Variants in RAB23 observed in about 807,000 individuals in gnomAD.
RAB23 encodes RAB23, member RAS oncogene family.
A neutral mutation model predicts 30.0 loss-of-function variants in RAB23; 15 were observed. The observed-to-expected ratio is 0.50, with a 90% CI of 0.33 to 0.77. The LOEUF (loss-of-function observed/expected upper bound fraction) is 0.77, where lower values mean the gene tolerates loss of function less well. Among genes scored for constraint, RAB23 ranks in the 30% least tolerant of loss-of-function variants. The pLI, the probability that RAB23 is intolerant of heterozygous loss-of-function variation, is 0.02. For synonymous variants in RAB23, 93 were observed against 94.0 expected (o/e 0.99, Z 0.06); for missense variants, 243 against 275.4 (o/e 0.88, Z 0.83).
Position 57,190,413 on chromosome 6 carries a change from C to CTT in RAB23, c.*46_*47dup. The stretch of plus-strand genomic sequence containing the variant: ...CATACCATGACAGCTGGATGGGTTT[C>CTT]TTAATGCATTGCACAATGTAATTCA... On this transcript the variant is annotated 3_prime_UTR_variant, in exon 7 of 7. Coordinates refer to ENST00000468148, the MANE Select transcript of RAB23 (RefSeq NM_016277.5). 1 of 1,604,788 alleles carries CTT rather than the reference C, an allele frequency of 6.2e-7. No homozygotes were observed.
intron 3 of RAB23, among the ~76,000 whole-genome samples, chr6:57,206,774 G>C (rs1765469667): frequency 6.6e-6 from 1 of 152,208 alleles, no homozygotes; most frequent in African/African-American, 2.4e-5. Flanking sequence ...TGTGTCTTTA[G>C]AAAACAAGTT....
intron 3 of RAB23, among the ~76,000 whole-genome samples, chr6:57,200,860 C>T (rs2128000106): frequency 6.6e-6 from 1 of 152,160 alleles, no homozygotes; most frequent in African/African-American, 2.4e-5. Flanking sequence ...AATGGCAGGG[C>T]AAAGAATGCA....
rs191955635 is a variant in RAB23, at chr6:57,199,094, G to A, written c.242-2488C>T. Among the ~76,000 whole-genome samples the A allele has an allele frequency of 3.0e-3, 458 of 152,356 alleles. 2 individuals carry two copies. The highest frequency in any genetic ancestry group is 5.0e-3 in the Non-Finnish European group (338 of 68,032). ...GTAAATAAACAAACCCTGCAGCAGAGGCCTGTGGCTGCATGCATGTCCCCT... is the reference window on the plus strand; with the variant it reads ...GTAAATAAACAAACCCTGCAGCAGAAGCCTGTGGCTGCATGCATGTCCCCT... On this transcript the variant is annotated intron_variant, in intron 3 of 6. Transcript: ENST00000468148.
intron 3 of RAB23, among the ~76,000 whole-genome samples, chr6:57,202,627 A>T (rs1765309758): frequency 6.6e-6 from 1 of 152,230 alleles, no homozygotes; most frequent in Admixed American, 6.5e-5. Context: ...AGACAAAGCC[A>T]GGAGAATCAG....
intron 5 of RAB23, 126 bp downstream of exon 5, chr6:57,194,644 T>A: frequency 1.5e-6 from 1 of 673,232 alleles, no homozygotes; most frequent in South Asian, 2.0e-5. Context: ...GCCTTTAAAT[T>A]CTACTTAATG....
At chr6:57,211,709 TTCTTGCTTTAG>T (rs1765661737) in intron 1 of RAB23, among the ~76,000 whole-genome samples, 1 of 152,244 alleles carries the variant, frequency 6.6e-6, no homozygotes, top group African/African-American at 2.4e-5. Context: ...ACACCACACA[TTCTTGCTTTAG>T]TTTTAAACCT....
chr6:57,219,992 G>T (rs1386245242), intron 1 of RAB23, among the ~76,000 whole-genome samples: 2 of 152,128 alleles, frequency 1.3e-5, no homozygotes, highest in Non-Finnish European at 2.9e-5. Context: ...AGACAGACTG[G>T]AAGAAAATAC....
At chr6:57,221,465 G>C (rs146923335) in intron 1 of RAB23, 1 of 152,564 alleles carries the variant, frequency 6.6e-6, no homozygotes, top group East Asian at 1.9e-4. Context: ...AAGAAACTAG[G>C]GAAGGGTGGG....
In RAB23 at chr6:57,188,739, A is replaced by AAAT. The variant is rs1365731013; in HGVS notation, c.*1719_*1721dup. Reference sequence around the variant, plus strand: ...AAAATAAGCATTTTACATTACTGTGAAATAGATAATGCCAGATCATTTCAA... The same window carrying AAAT: ...AAAATAAGCATTTTACATTACTGTGAAATAATAGATAATGCCAGATCATTTCAA... On this transcript the variant is annotated 3_prime_UTR_variant, in exon 7 of 7. Transcript: ENST00000468148. 5.3e-5 allele frequency: 8 copies of AAAT among 152,232 alleles called. No individual in the cohort carries two copies. The highest frequency in any genetic ancestry group is 1.2e-4 in the African/African-American group (5 of 41,466). The allele number at this position is 152,232 out of a possible 1,614,324, so 9.4% of individuals were successfully genotyped here. A position where few individuals can be genotyped will look rare whatever the true frequency, so the allele number is the denominator to read the frequency against.
chr6:57,208,437 A>C (rs986456696), intron 2 of RAB23, among the ~76,000 whole-genome samples: 4 of 151,614 alleles, frequency 2.6e-5, no homozygotes, highest in Admixed American at 2.0e-4. Flanking sequence ...ACTTGAGGCC[A>C]GGAGTTCAGT....
chr6:57,205,022 ATATATG>A (rs1281812954), intron 3 of RAB23, among the ~76,000 whole-genome samples: 1 of 151,404 alleles, frequency 6.6e-6, no homozygotes, highest in Non-Finnish European at 1.5e-5. Context: ...AGATACATAC[ATATATG>A]TATATGTGTA....
intron 3 of RAB23, among the ~76,000 whole-genome samples, chr6:57,200,026 T>C (rs1211410220): frequency 6.6e-6 from 1 of 152,024 alleles, no homozygotes; most frequent in African/African-American, 2.4e-5. Context: ...AGATGACCCC[T>C]TACCCTCCAC....
At chr6:57,199,228 A>G (rs1458718846) in intron 3 of RAB23, among the ~76,000 whole-genome samples, 1 of 152,100 alleles carries the variant, frequency 6.6e-6, no homozygotes, top group Non-Finnish European at 1.5e-5. Context: ...TGCATCCCCC[A>G]AGGGGGAAGT....
intron 3 of RAB23, among the ~76,000 whole-genome samples, chr6:57,207,333 C>T (rs1463407140): frequency 6.6e-6 from 1 of 152,082 alleles, no homozygotes; most frequent in Non-Finnish European, 1.5e-5. Flanking sequence ...ACTATACAGT[C>T]ATTTTCTTGG....
chr6:57,190,866 C>T (rs1764814498), intron 6 of RAB23, among the ~76,000 whole-genome samples: 1 of 152,118 alleles, frequency 6.6e-6, no homozygotes, highest in African/African-American at 2.4e-5. Context: ...ACCCATTAAA[C>T]AGTAACTAAC....
intron 2 of RAB23, among the ~76,000 whole-genome samples, chr6:57,208,013 A>C (rs1171277672): frequency 1.3e-5 from 2 of 152,200 alleles, no homozygotes; most frequent in African/African-American, 2.4e-5. Flanking sequence ...CTATGTCTCA[A>C]AAAACCCATG....
chr6:57,191,481 C>T (rs564133117), intron 6 of RAB23, among the ~76,000 whole-genome samples: 21 of 152,222 alleles, frequency 1.4e-4, no homozygotes, highest in Non-Finnish European at 2.4e-4. Context: ...GACGGAGTCT[C>T]GCTCTGTCGC....
chr6:57,214,249 G>T (rs373608028), intron 1 of RAB23, among the ~76,000 whole-genome samples: 2 of 152,314 alleles, frequency 1.3e-5, no homozygotes, highest in South Asian at 2.1e-4. Context: ...CCCAGCCAGG[G>T]TGGTATCAGT....
chr6:57,213,962 AACTGGGGAGG>A (rs140146174), intron 1 of RAB23, among the ~76,000 whole-genome samples: 9,521 of 151,860 alleles, frequency 0.063, 338 homozygotes, highest in East Asian at 0.095. Flanking sequence ...AGAAAAGACC[AACTGGGGAGG>A]ACTGGGGAGG....
Sources: gnomAD v4.1 joint callset for allele counts (sites outside exome capture counted in the v4.1 genomes callset) on GRCh38, gnomAD v4.1.1 for gene constraint, MANE v1.5 for transcripts, NCBI Gene and HGNC (gene_info 2026-07-23, HGNC 2026-07-21) for gene names.